The following C6orf163 variants were observed in gnomAD, a reference collection of about 807,000 sequenced individuals.
C6orf163 encodes uncharacterized protein C6orf163.
C6orf163 carries 22 observed loss-of-function variants against 28.4 expected under a neutral mutation model. That is an observed-to-expected ratio of 0.78 (90% CI 0.55 to 1.11). C6orf163 has a LOEUF of 1.11. Among genes scored for constraint, C6orf163 ranks in the 50% least tolerant of loss-of-function variants. C6orf163 has a pLI of 0.00. For synonymous variants in C6orf163, 110 were observed against 123.6 expected, an observed-to-expected ratio of 0.89 and a Z score of 0.73; for missense variants, 342 against 389.1, an observed-to-expected ratio of 0.88 and a Z score of 1.02.
At chr6:87,352,969 A>G (rs1293712768) in intron 3 of C6orf163, among the ~76,000 whole-genome samples, 2 of 152,186 alleles carry the variant, frequency 1.3e-5, no homozygotes, top group Non-Finnish European at 2.9e-5. Flanking sequence ...GGGGTGACTC[A>G]CTCAAGATGC....
intron 4 of C6orf163, among the ~76,000 whole-genome samples, chr6:87,359,963 A>T (rs746777917): frequency 6.6e-6 from 1 of 152,184 alleles, no homozygotes; most frequent in Non-Finnish European, 1.5e-5. Context: ...TGGACGTGCC[A>T]TTCCTTCTGC....
At chr6:87,357,955 T>C (rs1175388701) in intron 4 of C6orf163, 1 of 152,220 alleles carries the variant, frequency 6.6e-6, no homozygotes, top group African/African-American at 2.4e-5. Flanking sequence ...GTTTCCCAAG[T>C]GCCTGGAAGA....
Position 87,365,103 on chromosome 6 carries a change from C to A in C6orf163, c.697C>A (p.Gln233Lys). 1 of 1,551,934 alleles carries A rather than the reference C, an allele frequency of 6.4e-7. No homozygotes were observed. Among genetic ancestry groups the A allele is most frequent in the Non-Finnish European group, 8.7e-7 (1 of 1,147,062 alleles). The change falls in exon 5 of 5, where the codon CAG (glutamine) becomes AAG (lysine). Residue 233 changes from glutamine (Q) to lysine (K), a missense_variant. By Grantham distance (53) the Gln-to-Lys change is moderately conservative. Coordinates refer to ENST00000388923, the MANE Select transcript of C6orf163 (RefSeq NM_001010868.3). ...TCAGAGGCAGAGGCAAGAAGAGGTACAGGAAGTGCTTCAAGAAGCAGAGAA... is the reference window on the plus strand; with the variant it reads ...TCAGAGGCAGAGGCAAGAAGAGGTAAAGGAAGTGCTTCAAGAAGCAGAGAA... Reference protein sequence around the residue: ...IAQRQRQEEVQEVLQEAEKTH... With the variant: ...IAQRQRQEEVKEVLQEAEKTH...
intron 3 of C6orf163, among the ~76,000 whole-genome samples, chr6:87,351,275 G>A (rs1006122253): frequency 1.3e-5 from 2 of 152,206 alleles, no homozygotes; most frequent in East Asian, 1.9e-4. Context: ...GACAATACAC[G>A]GGCAGAAGCT....
intron 1 of C6orf163, among the ~76,000 whole-genome samples, chr6:87,345,790 G>T (rs551238451): frequency 1.3e-5 from 2 of 151,776 alleles, no homozygotes; most frequent in Non-Finnish European, 2.9e-5. Flanking sequence ...GGTGGCATGC[G>T]CCTGTAATCC....
chr6:87,346,412 A>G (rs1188764334), intron 1 of C6orf163, among the ~76,000 whole-genome samples: 1 of 152,242 alleles, frequency 6.6e-6, no homozygotes. Flanking sequence ...TTTCATACCC[A>G]GGACAGTGTA....
At chr6:87,360,059 T>C (rs1218425321) in intron 4 of C6orf163, among the ~76,000 whole-genome samples, 6 of 152,214 alleles carry the variant, frequency 3.9e-5, no homozygotes, top group African/African-American at 7.2e-5. Flanking sequence ...CTACTTGTCA[T>C]GTTCTTCCTA....
Position 87,356,583 on chromosome 6 carries a change from A to G in C6orf163, c.554+80A>G, listed in dbSNP as rs931114284. 3.2e-6 allele frequency: 4 copies of G among 1,251,342 alleles called. No homozygotes were observed. In the African/African-American group the frequency reaches 6.1e-5, roughly 19 times the overall value. The allele number at this position is 1,251,342 out of a possible 1,614,324, so 77.5% of individuals were successfully genotyped here. A position where few individuals can be genotyped will look rare whatever the true frequency, so the allele number is the denominator to read the frequency against. On this transcript the variant is annotated intron_variant, in intron 4 of 4. Coordinates refer to ENST00000388923, the MANE Select transcript of C6orf163 (RefSeq NM_001010868.3). ...GGAGAAACAGATAAGGTTACAGTAC[A>G]TAGGTAGATATTGCCCAGTTTTTGT... is the stretch of plus-strand genomic sequence containing the variant.
chr6:87,356,647 G>C, intron 4 of C6orf163, 144 bp downstream of exon 4: 1 of 719,552 alleles, frequency 1.4e-6, no homozygotes, highest in Non-Finnish European at 2.3e-6. Context: ...CAAACATAGG[G>C]AACAATTTAT....
chr6:87,354,499 C>A (rs945607771), intron 3 of C6orf163, among the ~76,000 whole-genome samples: 1 of 152,122 alleles, frequency 6.6e-6, no homozygotes. Flanking sequence ...TCAAAATGTT[C>A]TTTTTATGGT....
At position 87,353,717 on chromosome 6, in the gene C6orf163, G is replaced by T. The variant is rs1384949869; in HGVS notation, c.352-2584G>T. Among the ~76,000 whole-genome samples the T allele has an allele frequency of 2.0e-5, 3 of 152,012 alleles. No homozygotes were observed. In the East Asian group the frequency reaches 5.8e-4, roughly 29 times the overall value. ...AAGTAAGTTAAAATATCCCCCTAAGGAGTTAAATAAAGGCCTCTGACTACA... is the reference window on the plus strand; with the variant it reads ...AAGTAAGTTAAAATATCCCCCTAAGTAGTTAAATAAAGGCCTCTGACTACA... On this transcript the variant is annotated intron_variant, in intron 3 of 4. Coordinates refer to ENST00000388923, the MANE Select transcript of C6orf163 (RefSeq NM_001010868.3).
intron 4 of C6orf163, chr6:87,357,744 G>C (rs1777526644): frequency 6.6e-6 from 1 of 151,314 alleles, no homozygotes; most frequent in Non-Finnish European, 1.5e-5. Context: ...GGGAGCCTCT[G>C]GGTCCCCTCC....
intron 4 of C6orf163, chr6:87,357,053 C>G (rs1777513557): frequency 1.3e-5 from 2 of 154,766 alleles, no homozygotes; most frequent in African/African-American, 4.8e-5. Context: ...AGTCCTGATG[C>G]ATTGCTTCCC....
In C6orf163 at chr6:87,364,855, G is replaced by C. The variant is rs536829461; in HGVS notation, c.555-106G>C. On this transcript the variant is annotated intron_variant, in intron 4 of 4. Transcript: ENST00000388923. The stretch of plus-strand genomic sequence containing the variant: ...CATCCGTATCAGCCTGTCTCAGGCT[G>C]GTGGCTCATCTCAACAATTGCTCAT... 1.8e-4 allele frequency: 144 copies of C among 798,262 alleles called. No homozygotes were observed. The African/African-American group carries it at 2.3e-3, about 13-fold the overall frequency. The allele number at this position is 798,262 out of a possible 1,614,324, so 49.4% of individuals were successfully genotyped here. A position where few individuals can be genotyped will look rare whatever the true frequency, so the allele number is the denominator to read the frequency against.
chr6:87,362,761 T>G (rs1338390462), intron 4 of C6orf163, among the ~76,000 whole-genome samples: 1 of 152,096 alleles, frequency 6.6e-6, no homozygotes, highest in Non-Finnish European at 1.5e-5. Context: ...GAATTGCATC[T>G]TGGAGGATGG....
chr6:87,345,578 T>TGA (rs1777310003), intron 1 of C6orf163, among the ~76,000 whole-genome samples: 1 of 152,202 alleles, frequency 6.6e-6, no homozygotes, highest in Non-Finnish European at 1.5e-5. Flanking sequence ...CCCTTGGCCA[T>TGA]ACTTGAGCAC....
At chr6:87,352,254 A>G (rs1418644543) in intron 3 of C6orf163, among the ~76,000 whole-genome samples, 1 of 152,210 alleles carries the variant, frequency 6.6e-6, no homozygotes, top group African/African-American at 2.4e-5. Flanking sequence ...CATCAGTACT[A>G]CTTCTCAGGG....
intron 3 of C6orf163, among the ~76,000 whole-genome samples, chr6:87,352,633 A>AAC (rs1435640098): frequency 6.6e-6 from 1 of 152,220 alleles, no homozygotes; most frequent in African/African-American, 2.4e-5. Context: ...TAAAGGAAAA[A>AAC]TAAATGAAAA....
At chr6:87,360,694 C>G (rs926469630) in intron 4 of C6orf163, among the ~76,000 whole-genome samples, 1 of 152,200 alleles carries the variant, frequency 6.6e-6, no homozygotes, top group Non-Finnish European at 1.5e-5. Flanking sequence ...AGCCACCATG[C>G]CCAGCCTCAT....
Sources: allele counts gnomAD v4.1 joint callset (sites outside exome capture counted in the v4.1 genomes callset), GRCh38; gene constraint gnomAD v4.1.1; transcripts MANE v1.5; gene names NCBI Gene and HGNC (gene_info 2026-07-23, HGNC 2026-07-21).